The following PTPRQ variants were observed in gnomAD, a reference collection of about 807,000 sequenced individuals.
The protein encoded by PTPRQ is protein tyrosine phosphatase receptor type Q, also known as phosphatidylinositol phosphatase PTPRQ.
PTPRQ carries 199 observed loss-of-function variants against 246.0 expected under a neutral mutation model. That is an observed-to-expected ratio of 0.81 (90% CI 0.72 to 0.91). The LOEUF (loss-of-function observed/expected upper bound fraction) is 0.91, where lower values mean the gene tolerates loss of function less well. PTPRQ is among the 40% of genes least tolerant of loss of function. PTPRQ has a pLI of 0.00. For synonymous variants in PTPRQ, 869 were observed against 853.2 expected (o/e 1.02, Z -0.32); for missense variants, 2,624 against 2,528.4 (o/e 1.04, Z -0.81).
intron 9 of PTPRQ, among the ~76,000 whole-genome samples, chr12:80,485,187 G>A (rs1165334320): frequency 1.3e-5 from 2 of 152,078 alleles, no homozygotes; most frequent in East Asian, 3.9e-4. Flanking sequence ...ATTCACACTG[G>A]AAGTCTTATT....
intron 33 of PTPRQ, among the ~76,000 whole-genome samples, chr12:80,626,261 A>G (rs1218405025): frequency 6.6e-6 from 1 of 152,176 alleles, no homozygotes; most frequent in Admixed American, 6.6e-5. Context: ...TCTGTAGTCA[A>G]GACAGACGTA....
At chr12:80,488,766 AT>A (rs1231880275) in intron 9 of PTPRQ, among the ~76,000 whole-genome samples, 1 of 151,910 alleles carries the variant, frequency 6.6e-6, no homozygotes, top group Non-Finnish European at 1.5e-5. Flanking sequence ...CCCTTATTGA[AT>A]TTTTTTCCAG....
intron 9 of PTPRQ, among the ~76,000 whole-genome samples, chr12:80,491,471 A>T (rs1428591578): frequency 1.1e-4 from 17 of 151,972 alleles, no homozygotes; most frequent in Admixed American, 9.9e-4. Context: ...ACTTTGTCCC[A>T]TACAAGGACA....
At position 80,613,802 on chromosome 12, in the gene PTPRQ, A is replaced by T. The variant is rs1163079002; in HGVS notation, c.5129A>T (p.Glu1710Val). 6.5e-7 allele frequency: 1 copy of T among 1,540,180 alleles called. No individual in the cohort carries two copies. Among genetic ancestry groups the T allele is most frequent in the Non-Finnish European group, 8.8e-7 (1 of 1,140,510 alleles). ...KTNTFVIAML[E>V]GLKGGHTYNI... ...AACACATTCGTCATTGCAATGCTAG[A>T]AGGACTAAAAGGTGGACATACATAC... The change falls in exon 29 of 45, where the codon GAA (glutamate) becomes GTA (valine). Residue 1710 changes from glutamate to valine, a missense_variant. Coordinates refer to ENST00000644991, the MANE Select transcript of PTPRQ (RefSeq NM_001145026.2).
chr12:80,641,058 A>G (rs1188621989), intron 35 of PTPRQ, among the ~76,000 whole-genome samples: 2 of 152,182 alleles, frequency 1.3e-5, no homozygotes, highest in Non-Finnish European at 2.9e-5. Flanking sequence ...GGACCAAGAC[A>G]ATGACATTTC....
At chr12:80,540,337 A>G (rs1283658376) in intron 20 of PTPRQ, among the ~76,000 whole-genome samples, 1 of 152,068 alleles carries the variant, frequency 6.6e-6, no homozygotes, top group African/African-American at 2.4e-5. Context: ...TCTGCAGCAC[A>G]TCTCTTCTCA....
chr12:80,497,249 C>A (rs1035986882), intron 14 of PTPRQ, among the ~76,000 whole-genome samples: 1 of 151,772 alleles, frequency 6.6e-6, no homozygotes, highest in African/African-American at 2.4e-5. Context: ...TGTTTTCCTG[C>A]AACTAGATGG....
intron 5 of PTPRQ, 99 bp downstream of exon 5, chr12:80,459,582 ATTAG>A (rs1893085935): frequency 2.5e-6 from 1 of 396,574 alleles, no homozygotes; most frequent in Admixed American, 4.4e-5. Context: ...CCAAAGTTTT[ATTAG>A]TTATTTGATT....
chr12:80,516,052 G>T (rs952796630), intron 17 of PTPRQ, among the ~76,000 whole-genome samples: 2 of 152,092 alleles, frequency 1.3e-5, no homozygotes, highest in Admixed American at 6.5e-5. Flanking sequence ...TAAATAACAC[G>T]TATTTTTCAA....
In PTPRQ at chr12:80,526,727, A is replaced by G. The variant is rs574035227; in HGVS notation, c.2679-7288A>G. 7.9e-4 allele frequency among the ~76,000 whole-genome samples: 121 copies of G among 152,278 alleles called. 1 individual carries two copies. Among genetic ancestry groups the G allele is most frequent in the African/African-American group, 2.9e-3 (119 of 41,570 alleles). On this transcript the variant is annotated intron_variant, in intron 17 of 44. Transcript: ENST00000644991. ...TACCATGTGTTTAAAAATTTTTTAA[A>G]GCAGGGGCTAACGTTGATACTATTT...
intron 35 of PTPRQ, among the ~76,000 whole-genome samples, chr12:80,637,735 A>C (rs936156940): frequency 4.6e-5 from 7 of 152,222 alleles, no homozygotes; most frequent in African/African-American, 1.7e-4. Flanking sequence ...AAAAAATAAC[A>C]AATATAATTA....
chr12:80,581,975 T>C (rs1398782715), intron 25 of PTPRQ, among the ~76,000 whole-genome samples: 1 of 152,184 alleles, frequency 6.6e-6, no homozygotes, highest in Non-Finnish European at 1.5e-5. Context: ...AAAACCTTTC[T>C]GGAGTGTGAT....
Position 80,496,040 on chromosome 12 carries a change from T to C in PTPRQ, c.1924T>C (p.Ser642Pro). ...AAAATACAAAATGAGAGTGGCAGCCTCAACCCACGTTGGAGAAAGTTCTTT... is the reference window on the plus strand; with the variant it reads ...AAAATACAAAATGAGAGTGGCAGCCCCAACCCACGTTGGAGAAAGTTCTTT... ...YTKYKMRVAA[S>P]THVGESSLSE... is the part of the protein sequence containing the mutation. Residue 642 changes from serine to proline, a missense_variant, in exon 13 of 45, where the codon TCA (serine) becomes CCA (proline). Ser to Pro is a moderately conservative substitution (Grantham distance 74). Coordinates refer to ENST00000644991, the MANE Select transcript of PTPRQ (RefSeq NM_001145026.2). 3 of 1,550,236 alleles carry C rather than the reference T, an allele frequency of 1.9e-6. No individual in the cohort carries two copies. Among genetic ancestry groups the C allele is most frequent in the Non-Finnish European group, 2.6e-6 (3 of 1,146,290 alleles).
At chr12:80,523,952 G>A (rs906382382) in intron 17 of PTPRQ, among the ~76,000 whole-genome samples, 1 of 152,070 alleles carries the variant, frequency 6.6e-6, no homozygotes, top group Non-Finnish European at 1.5e-5. Flanking sequence ...TCTGTCTAAT[G>A]TTGACAGGGG....
rs1347416180 is a variant in PTPRQ at position 80,541,726 on chromosome 12, G to A, written c.3326G>A (p.Ser1109Asn). Residue 1109 changes from serine (S) to asparagine (N), a missense_variant, in exon 21 of 45, where the codon AGC becomes AAC. Transcript: ENST00000644991. ...VRPPLVTYER[S>N]IYFDNLEKYT... ...CCACCTCTTGTTACATATGAGAGAA[G>A]CATATATTTTGATAATCTGGAAAAA... 4 of 1,551,240 alleles carry A rather than the reference G, an allele frequency of 2.6e-6. No individual in the cohort carries two copies. The highest frequency in any genetic ancestry group is 3.5e-6 in the Non-Finnish European group (4 of 1,146,700).
chr12:80,480,687 G>C (rs1894012578), intron 8 of PTPRQ, among the ~76,000 whole-genome samples: 1 of 151,830 alleles, frequency 6.6e-6, no homozygotes, highest in African/African-American at 2.4e-5. Flanking sequence ...AATGATAAAG[G>C]GGATATCACC....
rs145601759 is a variant in PTPRQ, at chr12:80,537,407, C to T, written c.2986-2369C>T. ...CATATCATGTTCTGCCTCCTATTAC[C>T]GATAACTGTTGCTTCTCTTAGTTCC... On this transcript the variant is annotated intron_variant, in intron 19 of 44. Coordinates refer to ENST00000644991, the MANE Select transcript of PTPRQ (RefSeq NM_001145026.2). Among the ~76,000 whole-genome samples, 47 of 152,220 alleles carry T rather than the reference C, an allele frequency of 3.1e-4. No homozygotes were observed. In the East Asian group the frequency reaches 6.6e-3, roughly 21 times the overall value.
chr12:80,554,491 C>T (rs1896585670), intron 25 of PTPRQ, among the ~76,000 whole-genome samples: 1 of 152,136 alleles, frequency 6.6e-6, no homozygotes, highest in Non-Finnish European at 1.5e-5. Flanking sequence ...CTCTTCCAAG[C>T]TCCATAATTT....
Position 80,649,654 on chromosome 12 carries a change from T to C in PTPRQ, c.6009T>C (p.Phe2003=). The change falls in exon 37 of 45, where the codon TTT becomes TTC. Residue 2003 remains phenylalanine (F), a synonymous_variant. Transcript: ENST00000644991. ...TTTGCACAAACAACAACCTAAAGTT[T>C]CAAGAAGAATTTTCGGTATGTTACT... ...EELCTNNNLK[F]QEEFSELPKF... The C allele has an allele frequency of 6.5e-7, 1 of 1,548,806 alleles. No individual in the cohort carries two copies. The highest frequency in any genetic ancestry group is 1.4e-5 in the African/African-American group (1 of 73,008).
Sources: gnomAD v4.1 joint callset for allele counts (sites outside exome capture counted in the v4.1 genomes callset) on GRCh38, gnomAD v4.1.1 for gene constraint, MANE v1.5 for transcripts, NCBI Gene and HGNC (gene_info 2026-07-23, HGNC 2026-07-21) for gene names.